KANSL1L: variants seen among roughly 807,000 people sequenced by gnomAD.
The protein encoded by KANSL1L is KAT8 regulatory NSL complex subunit 1-like protein.
In KANSL1L, 25 loss-of-function variants were observed where a neutral mutation model predicts 108.6. The ratio of observed to expected loss-of-function variants is 0.23; its 90% CI spans 0.17 to 0.32. The LOEUF (loss-of-function observed/expected upper bound fraction) is 0.32. Ranked by LOEUF, KANSL1L falls within the 10% of genes least tolerant of loss-of-function variation. The pLI is 1.00. For missense variants in KANSL1L, 1,137 were observed against 1,125.7 expected (o/e 1.01, Z -0.14); for synonymous variants, 405 against 395.1 (o/e 1.03, Z -0.30).
At chr2:210,168,583 G>C (rs1688130901) in intron 1 of KANSL1L, among the ~76,000 whole-genome samples, 1 of 152,046 alleles carries the variant, frequency 6.6e-6, no homozygotes, top group Non-Finnish European at 1.5e-5. Context: ...ATAGAAGACA[G>C]ATGAATGAGT....
intron 2 of KANSL1L, among the ~76,000 whole-genome samples, chr2:210,146,720 G>A (rs947022622): frequency 3.3e-5 from 5 of 152,148 alleles, no homozygotes; most frequent in African/African-American, 9.7e-5. Context: ...TTATTTACTT[G>A]ATCATCCTCA....
intron 6 of KANSL1L, chr2:210,064,078 C>T (rs561138025): frequency 6.6e-6 from 1 of 152,124 alleles, no homozygotes; most frequent in South Asian, 2.1e-4. Context: ...CTCACAAGAT[C>T]TGATGGTTTT....
chr2:210,171,467 T>A (rs370438463), upstream of KANSL1L: 3 of 154,674 alleles, frequency 1.9e-5, no homozygotes, highest in East Asian at 5.6e-4. Context: ...GGCAGCGCCA[T>A]GCAAATGAAG....
At chr2:210,101,051 A>C (rs1240990875) in intron 4 of KANSL1L, among the ~76,000 whole-genome samples, 2 of 152,238 alleles carry the variant, frequency 1.3e-5, no homozygotes, top group Non-Finnish European at 2.9e-5. Context: ...AACCTCTACA[A>C]GTAATTGCTG....
chr2:210,128,947 A>T (rs931129304), intron 3 of KANSL1L, 84 bp downstream of exon 3: 1 of 1,129,704 alleles, frequency 8.9e-7, no homozygotes, highest in African/African-American at 1.6e-5. Context: ...AAAACCTTGT[A>T]ACAATTATTT....
At chr2:210,055,759 A>G (rs993979193) in intron 6 of KANSL1L, among the ~76,000 whole-genome samples, 1 of 152,228 alleles carries the variant, frequency 6.6e-6, no homozygotes, top group Non-Finnish European at 1.5e-5. Context: ...AAGATGATCT[A>G]GAGTATCTGG....
At chr2:210,031,299 T>C (rs984641804) in intron 9 of KANSL1L, 122 bp downstream of exon 9, 14 of 657,590 alleles carry the variant, frequency 2.1e-5, no homozygotes, top group South Asian at 9.3e-5. Flanking sequence ...TGTAGACTCA[T>C]AGATGTTTTG....
Position 210,023,076 on chromosome 2 carries a change from G to A in KANSL1L, c.2837C>T (p.Ala946Val), listed in dbSNP as rs777284040. ...GGTACCGAAGATTTCACCATGGAAA[G>A]CTGTGCTTGACCTTTCAACCTGATC... ...KKDQVERSST[A>V]FHGEIFGTSV... is the part of the protein sequence containing the mutation. The change falls in exon 15 of 15, where the codon GCT (alanine) becomes GTT (valine). Residue 946 changes from alanine (A) to valine (V), a missense_variant. Physicochemically the swap from Ala to Val is moderately conservative, Grantham distance 64 (BLOSUM62 0). Around this residue, in one of 3 missense-constraint regions of KANSL1L, gnomAD observed 575 missense variants for 567.1 expected, o/e 1.01. Coordinates refer to ENST00000281772, the MANE Select transcript of KANSL1L (RefSeq NM_152519.4). 6.2e-6 allele frequency: 10 copies of A among 1,613,838 alleles called. No homozygotes were observed. Among genetic ancestry groups the A allele is most frequent in the Admixed American group, 5.0e-5 (3 of 59,988 alleles).
chr2:210,028,759 TTTCA>T, intron 11 of KANSL1L, 82 bp downstream of exon 11: 2 of 1,022,478 alleles, frequency 2.0e-6, no homozygotes, highest in East Asian at 2.6e-5. Flanking sequence ...AGGATGCTCC[TTTCA>T]TTAATTAAAA....
chr2:210,063,064 G>A (rs2094435388), intron 6 of KANSL1L, among the ~76,000 whole-genome samples: 1 of 152,198 alleles, frequency 6.6e-6, no homozygotes, highest in African/African-American at 2.4e-5. Context: ...GGGTCGCTGT[G>A]CTGTGTGCAG....
intron 6 of KANSL1L, among the ~76,000 whole-genome samples, chr2:210,052,029 A>G (rs2094298165): frequency 8.0e-6 from 1 of 125,082 alleles, no homozygotes; most frequent in African/African-American, 3.1e-5. Context: ...GAGACAAGGT[A>G]TTGCTCTGTC....
At chr2:210,100,124 G>A (rs1479027663) in intron 4 of KANSL1L, among the ~76,000 whole-genome samples, 3 of 152,210 alleles carry the variant, frequency 2.0e-5, no homozygotes, top group East Asian at 1.9e-4. Flanking sequence ...CCTGAGCTCC[G>A]CCTCCTGTCA....
intron 3 of KANSL1L, among the ~76,000 whole-genome samples, chr2:210,109,037 C>T (rs1005735619): frequency 6.6e-6 from 1 of 151,984 alleles, no homozygotes; most frequent in Admixed American, 6.6e-5. Context: ...TTTTCTAGTT[C>T]CATTGGTTCA....
At chr2:210,093,488 C>T (rs1575516610) in intron 5 of KANSL1L, among the ~76,000 whole-genome samples, 2 of 152,172 alleles carry the variant, frequency 1.3e-5, no homozygotes, top group South Asian at 2.1e-4. Flanking sequence ...AAATCTTCAG[C>T]TTGATTTTGC....
chr2:210,052,821 A>G (rs1220608481), intron 6 of KANSL1L, among the ~76,000 whole-genome samples: 1 of 152,172 alleles, frequency 6.6e-6, no homozygotes, highest in African/African-American at 2.4e-5. Context: ...AGGAGGAGGG[A>G]AGGAAGAAAA....
chr2:210,171,772 T>A (rs1334511512), upstream of KANSL1L: 3 of 151,922 alleles, frequency 2.0e-5, no homozygotes, highest in East Asian at 5.8e-4. Flanking sequence ...TTCCCTGCCG[T>A]CCGCGCCGGG....
chr2:210,129,007 TAGA>T (rs1478923541), intron 3 of KANSL1L, 21 bp downstream of exon 3: 7 of 1,578,540 alleles, frequency 4.4e-6, no homozygotes, highest in African/African-American at 2.7e-5. Context: ...TTAACAAAAG[TAGA>T]AGAACACAGA....
At chr2:210,131,002 A>G (rs2095115199) in intron 2 of KANSL1L, among the ~76,000 whole-genome samples, 1 of 152,186 alleles carries the variant, frequency 6.6e-6, no homozygotes, top group Non-Finnish European at 1.5e-5. Flanking sequence ...ACCGCCCTAC[A>G]CTTCCCAGGC....
intron 4 of KANSL1L, among the ~76,000 whole-genome samples, chr2:210,099,410 A>G (rs2125412573): frequency 6.6e-6 from 1 of 152,342 alleles, no homozygotes; most frequent in African/African-American, 2.4e-5. Flanking sequence ...ATAATAGAAT[A>G]AAATTAGGCC....
Sources: gnomAD v4.1 joint callset for allele counts (sites outside exome capture counted in the v4.1 genomes callset) on GRCh38, gnomAD v4.1.1 for gene constraint, gnomAD v4.1.1 regional missense constraint, MANE v1.5 for transcripts, NCBI Gene and HGNC (gene_info 2026-07-23, HGNC 2026-07-21) for gene names.